Variants in DNAH14 observed in about 807,000 individuals in gnomAD.
The protein encoded by DNAH14 is dynein axonemal heavy chain 14.
In DNAH14, 478 loss-of-function variants were observed where a neutral mutation model predicts 520.9. The observed-to-expected ratio is 0.92, with a 90% CI of 0.85 to 0.99. The LOEUF is 0.99. DNAH14 is among the 50% of genes least tolerant of loss of function. DNAH14 has a pLI of 0.00. For missense variants in DNAH14, 4,831 were observed against 5,234.5 expected, an observed-to-expected ratio of 0.92 and a Z score of 2.38; for synonymous variants, 1,581 against 1,757.2, an observed-to-expected ratio of 0.90 and a Z score of 2.51.
chr1:225,118,504 TG>T (rs1199540229), intron 25 of DNAH14, among the ~76,000 whole-genome samples: 1 of 152,146 alleles, frequency 6.6e-6, no homozygotes, highest in Non-Finnish European at 1.5e-5. Context: ...CAAGTGGTCC[TG>T]ATGTAAGTTG....
At chr1:225,398,758 T>C (rs1331462226) in intron 85 of DNAH14, 92 bp downstream of exon 85, 1 of 1,459,702 alleles carries the variant, frequency 6.9e-7, no homozygotes, top group Non-Finnish European at 9.1e-7. Flanking sequence ...CCTACAATTT[T>C]GCAAGGGAGA....
intron 41 of DNAH14, among the ~76,000 whole-genome samples, chr1:225,226,721 G>A (rs536804495): frequency 2.6e-5 from 4 of 152,170 alleles, no homozygotes; most frequent in Admixed American, 1.3e-4. Context: ...CCAGGGGACC[G>A]GCGCTCAGCA....
At chr1:225,113,326 C>A (rs566803319) in intron 23 of DNAH14, among the ~76,000 whole-genome samples, 1 of 152,136 alleles carries the variant, frequency 6.6e-6, no homozygotes, top group Non-Finnish European at 1.5e-5. Context: ...TACTTTTTCC[C>A]AAACAATTGA....
chr1:225,140,728 TAGAG>T lies in DNAH14; in HGVS notation c.4255-34_4255-31del, dbSNP rs554371106. ...AATTTATGCTTCAATTATATATATA[TAGAG>T]AGAGATATATATATAACATTATCTT... On this transcript the variant is annotated intron_variant, in intron 27 of 85. Coordinates refer to ENST00000682510, the MANE Select transcript of DNAH14 (RefSeq NM_001367479.1). The T allele has an allele frequency of 2.5e-4, 323 of 1,308,366 alleles. 3 individuals carry two copies. The South Asian group carries it at 3.1e-3, about 13-fold the overall frequency. 81.0% of individuals were successfully genotyped at this position (1,308,366 alleles called of 1,614,324 possible).
intron 30 of DNAH14, among the ~76,000 whole-genome samples, chr1:225,146,761 TG>T (rs1394523231): frequency 3.9e-5 from 6 of 152,372 alleles, no homozygotes; most frequent in Admixed American, 1.3e-4. Context: ...CTGAAGACTC[TG>T]CCCCAGGGTG....
chr1:225,113,091 T>C (rs1473254462), intron 23 of DNAH14, among the ~76,000 whole-genome samples: 4 of 152,138 alleles, frequency 2.6e-5, no homozygotes, highest in African/African-American at 9.7e-5. Flanking sequence ...TTTTGCAGTC[T>C]GGGCTTGTTT....
rs141883886 is a variant in DNAH14 at position 225,180,691 on chromosome 1, A to G, written c.5536-4600A>G. Reference sequence around the variant, plus strand: ...TCATTAGGCCCCATCTCCATCAGACATCAAGTTTCAACATGATTTATGAAG... The same window carrying G: ...TCATTAGGCCCCATCTCCATCAGACGTCAAGTTTCAACATGATTTATGAAG... On this transcript the variant is annotated intron_variant, in intron 36 of 85. Transcript: ENST00000682510. Among the ~76,000 whole-genome samples the G allele has an allele frequency of 1.7e-3, 259 of 152,310 alleles. 1 individual carries two copies. The highest frequency in any genetic ancestry group is 5.9e-3 in the African/African-American group (246 of 41,570).
intron 36 of DNAH14, among the ~76,000 whole-genome samples, chr1:225,172,363 C>T (rs1269453039): frequency 6.6e-6 from 1 of 152,004 alleles, no homozygotes; most frequent in African/African-American, 2.4e-5. Flanking sequence ...TCTAGAAAAC[C>T]CCATCGTCTC....
chr1:225,006,683 G>A (rs1306534956), intron 9 of DNAH14, among the ~76,000 whole-genome samples: 3 of 152,148 alleles, frequency 2.0e-5, no homozygotes, highest in South Asian at 2.1e-4. Context: ...GACATTTATC[G>A]ATGACAATGC....
chr1:225,330,382 A>G (rs1023920243), intron 64 of DNAH14, among the ~76,000 whole-genome samples: 6 of 152,248 alleles, frequency 3.9e-5, no homozygotes, highest in Non-Finnish European at 7.3e-5. Flanking sequence ...TGTTCACAAT[A>G]GCCAGAATTT....
intron 8 of DNAH14, among the ~76,000 whole-genome samples, chr1:224,999,831 AT>A (rs1345061417): frequency 6.6e-6 from 1 of 152,074 alleles, no homozygotes; most frequent in Admixed American, 6.6e-5. Context: ...AGAAACTTTC[AT>A]GTTTCTTTAC....
At chr1:225,315,867 C>A (rs2094457976) in intron 60 of DNAH14, among the ~76,000 whole-genome samples, 1 of 152,236 alleles carries the variant, frequency 6.6e-6, no homozygotes, top group Non-Finnish European at 1.5e-5. Flanking sequence ...CTGTCAATCC[C>A]TGCTGGGAAG....
chr1:225,115,979 A>G (rs1248120048), intron 23 of DNAH14, among the ~76,000 whole-genome samples: 1 of 152,254 alleles, frequency 6.6e-6, no homozygotes, highest in Non-Finnish European at 1.5e-5. Flanking sequence ...AAATTAACCC[A>G]GCCTGTAGGC....
At chr1:225,274,235 C>T (rs1460162164) in intron 52 of DNAH14, among the ~76,000 whole-genome samples, 1 of 108,588 alleles carries the variant, frequency 9.2e-6, no homozygotes, top group Non-Finnish European at 1.8e-5. Flanking sequence ...GACGGAGTCT[C>T]GTTCTGTCGC....
intron 1 of DNAH14, among the ~76,000 whole-genome samples, chr1:224,950,436 C>T (rs2060096679): frequency 6.6e-6 from 1 of 152,078 alleles, no homozygotes; most frequent in Non-Finnish European, 1.5e-5. Context: ...CTTTTTATTT[C>T]CCTTAGGAAA....
At chr1:225,118,127 G>A (rs781617162) in intron 25 of DNAH14, 128 bp downstream of exon 25, 25 of 767,762 alleles carry the variant, frequency 3.3e-5, no homozygotes, top group South Asian at 2.2e-4. Context: ...ATATCCTTAC[G>A]TAAATATACT....
In DNAH14 at chr1:225,177,366, C is replaced by G. The variant is rs535951773; in HGVS notation, c.5536-7925C>G. On this transcript the variant is annotated intron_variant, in intron 36 of 85. Coordinates refer to ENST00000682510, the MANE Select transcript of DNAH14 (RefSeq NM_001367479.1). ...GCATAAAAGTTTGGAAAATTTGCAG[C>G]CTGACAATGCGATAGAAAAGAAAAT... 2.6e-5 allele frequency among the ~76,000 whole-genome samples: 4 copies of G among 152,222 alleles called. No homozygotes were observed. In the South Asian group the frequency reaches 6.2e-4, roughly 24 times the overall value.
chr1:225,313,736 T>C (rs546407989), intron 60 of DNAH14, among the ~76,000 whole-genome samples: 2 of 152,240 alleles, frequency 1.3e-5, no homozygotes, highest in African/African-American at 4.8e-5. Flanking sequence ...TCAGTTTCCA[T>C]GTAGTTGTGC....
At chr1:225,279,929 A>T (rs2093588658) in intron 54 of DNAH14, among the ~76,000 whole-genome samples, 1 of 150,434 alleles carries the variant, frequency 6.6e-6, no homozygotes, top group African/African-American at 2.4e-5. Context: ...ATATTAATAT[A>T]TAAATTAAAG....
Sources: allele counts gnomAD v4.1 joint callset (sites outside exome capture counted in the v4.1 genomes callset), GRCh38; gene constraint gnomAD v4.1.1; transcripts MANE v1.5; gene names NCBI Gene and HGNC (gene_info 2026-07-23, HGNC 2026-07-21).